ZNF251: variants seen among roughly 807,000 people sequenced by gnomAD.
The protein encoded by ZNF251 is zinc finger protein 251.
Under a neutral mutation model 13.5 loss-of-function variants are expected in ZNF251, and 14 were observed. The ratio of observed to expected loss-of-function variants is 1.04; its 90% CI spans 0.69 to 1.63. ZNF251 has a LOEUF of 1.63. Among genes scored for constraint, ZNF251 ranks in the 40% most tolerant of loss-of-function variants. The pLI is 0.00. For missense variants in ZNF251, 764 were observed against 834.9 expected (o/e 0.92, Z 1.05); for synonymous variants, 287 against 295.2 (o/e 0.97, Z 0.28).
chr8:144,755,447 A>T lies in ZNF251; in HGVS notation c.-118T>A. The stretch of plus-strand genomic sequence containing the variant: ...GGAAGCCACCGAGGAAGCGCCGAGG[A>T]GCTGCGCAGTCGCACCGAGCCCGGA... On this transcript the variant is annotated 5_prime_UTR_variant, in exon 1 of 5. Transcript: ENST00000292562. The T allele has an allele frequency of 7.8e-7, 1 of 1,287,918 alleles. No individual in the cohort carries two copies. Among genetic ancestry groups the T allele is most frequent in the Non-Finnish European group, 1.0e-6 (1 of 988,806 alleles). The allele number at this position is 1,287,918 out of a possible 1,614,324, so 79.8% of individuals were successfully genotyped here.
rs1330428873 is a variant in ZNF251 at position 144,755,186 on chromosome 8, A to G, written c.-76+219T>C. On this transcript the variant is annotated intron_variant, in intron 1 of 4. Coordinates refer to ENST00000292562, the MANE Select transcript of ZNF251 (RefSeq NM_138367.2). ...CCGCGGGGATGCTGCCGAAGGCCCC[A>G]GGCTCCGGGGAGAGGCCGGAAGCCA... 8 of 1,171,382 alleles carry G rather than the reference A, an allele frequency of 6.8e-6. No individual in the cohort carries two copies. The African/African-American group carries it at 1.2e-4, about 17-fold the overall frequency. 72.6% of individuals were successfully genotyped at this position (1,171,382 alleles called of 1,614,324 possible).
chr8:144,737,099 C>T (rs145270169), intron 4 of ZNF251, among the ~76,000 whole-genome samples: 66 of 151,306 alleles, frequency 4.4e-4, no homozygotes, highest in African/African-American at 1.5e-3. Flanking sequence ...CCACGGCACC[C>T]GGCCTATTTT....
chr8:144,724,304 A>G (rs1378012085), intron 4 of ZNF251, among the ~76,000 whole-genome samples: 8 of 150,772 alleles, frequency 5.3e-5, no homozygotes, highest in Non-Finnish European at 3.0e-5. Context: ...AGCAACAATC[A>G]TGCCGTGTAC....
chr8:144,729,517 T>C (rs993538200), intron 4 of ZNF251, among the ~76,000 whole-genome samples: 2 of 151,786 alleles, frequency 1.3e-5, no homozygotes, highest in Admixed American at 1.3e-4. Flanking sequence ...TTTGTATTTT[T>C]AGTAGAGACG....
Position 144,722,422 on chromosome 8 carries a change from G to C in ZNF251, c.1238C>G (p.Ala413Gly). 1 of 1,613,930 alleles carries C rather than the reference G, an allele frequency of 6.2e-7. No homozygotes were observed. Among genetic ancestry groups the C allele is most frequent in the Non-Finnish European group, 8.5e-7 (1 of 1,179,908 alleles). Residue 413 changes from alanine to glycine, a missense_variant, in exon 5 of 5, where the codon GCC becomes GGC. Transcript: ENST00000292562. This position sits in a 1 kb window ranked among gnomAD's most constrained non-coding sequence, Gnocchi z 4.8. ...AGTAAGATGAGAGTTAAAACCAAAG[G>C]CTCTGCCGCATTCATTACATACATA... ...KPYVCNECGR[A>G]FGFNSHLTEH...
At chr8:144,750,846 G>GTTTTTTTTTTTTTTTTTTTTTTTT (rs58473905) in intron 4 of ZNF251, among the ~76,000 whole-genome samples, 2 of 141,314 alleles carry the variant, frequency 1.4e-5, no homozygotes, top group African/African-American at 2.6e-5. Context: ...TCTCTCCAGA[G>GTTTTTTTTTTTTTTTTTTTTTTTT]TTTTTTTTTT....
At chr8:144,735,016 G>A (rs1001307430) in intron 4 of ZNF251, among the ~76,000 whole-genome samples, 1 of 151,914 alleles carries the variant, frequency 6.6e-6, no homozygotes, top group African/African-American at 2.4e-5. Flanking sequence ...AGAGGTTGCA[G>A]TGAGCCAAGA....
At chr8:144,730,409 T>G (rs1264144759) in intron 4 of ZNF251, among the ~76,000 whole-genome samples, 1 of 23,976 alleles carries the variant, frequency 4.2e-5, no homozygotes, top group African/African-American at 1.9e-4. Context: ...GTCCCGGGGG[T>G]GACACTGGCA....
At chr8:144,728,662 C>CAA (rs573364533) in intron 4 of ZNF251, among the ~76,000 whole-genome samples, 3,310 of 56,314 alleles carry the variant, frequency 0.059, 190 homozygotes, top group African/African-American at 0.17. Context: ...GGCTCCGTCT[C>CAA]AAAAAAAAAA....
chr8:144,725,151 C>G (rs1314636245), intron 4 of ZNF251, among the ~76,000 whole-genome samples: 1 of 152,180 alleles, frequency 6.6e-6, no homozygotes, highest in Non-Finnish European at 1.5e-5. Flanking sequence ...GTAGCTGCGA[C>G]TACAGATGCT....
intron 4 of ZNF251, among the ~76,000 whole-genome samples, chr8:144,752,183 C>T (rs1184634962): frequency 7.4e-6 from 1 of 134,288 alleles, no homozygotes; most frequent in African/African-American, 2.8e-5. Context: ...AAGACCTGAA[C>T]AATACCATCA....
At chr8:144,753,657 A>G in intron 4 of ZNF251, 26 bp downstream of exon 4, 1 of 1,533,308 alleles carries the variant, frequency 6.5e-7, no homozygotes, top group Non-Finnish European at 8.8e-7. Flanking sequence ...GGCTGCTCCC[A>G]GGATTAGCAT....
chr8:144,754,341 C>T lies in ZNF251; in HGVS notation c.34-20G>A. 6.3e-7 allele frequency: 1 copy of T among 1,583,666 alleles called. No individual in the cohort carries two copies. Among genetic ancestry groups the T allele is most frequent in the Non-Finnish European group, 8.6e-7 (1 of 1,165,056 alleles). On this transcript the variant is annotated intron_variant, in intron 2 of 4. Coordinates refer to ENST00000292562, the MANE Select transcript of ZNF251 (RefSeq NM_138367.2). ...CATCTCCTGCAACAAAACATCGCCGCTGCCCAGGCCATGCCCACGGGGCAG... is the reference window on the plus strand; with the variant it reads ...CATCTCCTGCAACAAAACATCGCCGTTGCCCAGGCCATGCCCACGGGGCAG...
At chr8:144,745,641 G>A (rs542120647) in intron 4 of ZNF251, among the ~76,000 whole-genome samples, 2 of 151,970 alleles carry the variant, frequency 1.3e-5, no homozygotes, top group Non-Finnish European at 2.9e-5. Context: ...CAGACTCCTA[G>A]GCTCAAGCAG....
rs182230894 is a variant in ZNF251 at position 144,751,361 on chromosome 8, C to T, written c.277+2322G>A. The stretch of plus-strand genomic sequence containing the variant: ...TTATAAACTATATAACTGTTTAAAA[C>T]TGAAATTATCACATTGTCTTTCTGA... On this transcript the variant is annotated intron_variant, in intron 4 of 4. Transcript: ENST00000292562. 2.0e-5 allele frequency among the ~76,000 whole-genome samples: 3 copies of T among 152,072 alleles called. No homozygotes were observed. The South Asian group carries it at 6.2e-4, about 31-fold the overall frequency.
chr8:144,751,423 C>G (rs1016658642), intron 4 of ZNF251, among the ~76,000 whole-genome samples: 7 of 152,024 alleles, frequency 4.6e-5, no homozygotes, highest in African/African-American at 7.2e-5. Flanking sequence ...CACATAACAA[C>G]TATAACAAAA....
chr8:144,738,010 CATTT>C (rs1823983188), intron 4 of ZNF251, among the ~76,000 whole-genome samples: 1 of 152,124 alleles, frequency 6.6e-6, no homozygotes, highest in Non-Finnish European at 1.5e-5. Context: ...TTGACGGACA[CATTT>C]ATTTGGATTC....
rs951918881 is a variant in ZNF251 at position 144,755,440 on chromosome 8, G to T, written c.-111C>A. On this transcript the variant is annotated 5_prime_UTR_variant, in exon 1 of 5. Coordinates refer to ENST00000292562, the MANE Select transcript of ZNF251 (RefSeq NM_138367.2). ...GACCCGGGGAAGCCACCGAGGAAGC[G>T]CCGAGGAGCTGCGCAGTCGCACCGA... 4 of 1,288,122 alleles carry T rather than the reference G, an allele frequency of 3.1e-6. No individual in the cohort carries two copies. In the African/African-American group the frequency reaches 6.1e-5, roughly 20 times the overall value. 79.8% of individuals were successfully genotyped at this position (1,288,122 alleles called of 1,614,324 possible).
chr8:144,728,285 A>G (rs1316011498), intron 4 of ZNF251, among the ~76,000 whole-genome samples: 8 of 152,156 alleles, frequency 5.3e-5, no homozygotes, highest in Admixed American at 3.9e-4. Flanking sequence ...ACCGTCTCAT[A>G]CAGGCAGAGT....
Sources: allele counts gnomAD v4.1 joint callset (sites outside exome capture counted in the v4.1 genomes callset), GRCh38; gene constraint gnomAD v4.1.1; non-coding constraint Gnocchi (gnomAD v3.1); transcripts MANE v1.5; gene names NCBI Gene and HGNC (gene_info 2026-07-23, HGNC 2026-07-21).